The following AATK variants were observed in gnomAD, a reference collection of about 807,000 sequenced individuals.
AATK encodes the protein lemur tail kinase 1.
AATK carries 91 observed loss-of-function variants against 114.3 expected under a neutral mutation model. That is an observed-to-expected ratio of 0.80 (90% CI 0.67 to 0.95). The LOEUF (loss-of-function observed/expected upper bound fraction) is 0.95, where lower values mean the gene tolerates loss of function less well. Ranked by LOEUF, AATK falls within the 40% of genes least tolerant of loss-of-function variation. AATK has a pLI of 0.00. For synonymous variants in AATK, 1,075 were observed against 916.5 expected (o/e 1.17, Z -3.12); for missense variants, 2,176 against 1,965.2 (o/e 1.11, Z -2.03).
chr17:81,141,941 TTCCTTCCTTCCTTTCCTTCC>T (rs1012782636), intron 1 of AATK, among the ~76,000 whole-genome samples: 35 of 131,624 alleles, frequency 2.7e-4, no homozygotes, highest in East Asian at 9.1e-4. Flanking sequence ...CCTTCCTTCC[TTCCTTCCTTCCTTTCCTTCC>T]TTCCTTCCTT....
intron 1 of AATK, among the ~76,000 whole-genome samples, chr17:81,142,831 T>C (rs1484758947): frequency 2.0e-5 from 3 of 149,996 alleles, no homozygotes; most frequent in Non-Finnish European, 1.5e-5. Context: ...CCACTTGACT[T>C]GTAACCACCC....
At chr17:81,159,042 G>A (rs968173730) in intron 1 of AATK, among the ~76,000 whole-genome samples, 4 of 152,228 alleles carry the variant, frequency 2.6e-5, no homozygotes, top group Non-Finnish European at 4.4e-5. Flanking sequence ...GAGACAGATC[G>A]GTGGCTGCCA....
At chr17:81,156,495 T>A (rs1053056439) in intron 1 of AATK, among the ~76,000 whole-genome samples, 16 of 152,196 alleles carry the variant, frequency 1.1e-4, no homozygotes, top group Admixed American at 2.6e-4. Flanking sequence ...CCTCCCGGGT[T>A]CATGCCATTC....
Position 81,124,953 on chromosome 17 carries a change from CAT to C in AATK, c.815_816del (p.Tyr272TrpfsTer35). The part of the protein sequence containing the change: ...TADLTVKIGD[Y>X]GLAHCKYRED... ...ACTCTGTACTTGCAGTGAGCCAGGCCATAGTCACCAATCTTCACCGTCAGGTC... is the reference window on the plus strand; with the variant it reads ...ACTCTGTACTTGCAGTGAGCCAGGCCAGTCACCAATCTTCACCGTCAGGTC... On this transcript the variant is annotated frameshift_variant, in exon 8 of 14. Transcript: ENST00000326724. LOFTEE classifies it high-confidence loss of function. 6.3e-7 allele frequency: 1 copy of C among 1,578,546 alleles called. No individual in the cohort carries two copies. The highest frequency in any genetic ancestry group is 8.6e-7 in the Non-Finnish European group (1 of 1,162,586).
rs2060659983 is a variant in AATK, at chr17:81,119,470, C to CGGGCGCGGGCGT, written c.3993_3994insACGCCCGCGCCC (p.Pro1331_Ala1332insThrProAlaPro). On this transcript the variant is annotated inframe_insertion, in exon 13 of 14. Transcript: ENST00000326724. ...GACACCGTGAAGCGCGAGAAGGGAGCGGGCGTGGGCGTGGGCGCAGCCGGG... is the reference window on the plus strand; with the variant it reads ...GACACCGTGAAGCGCGAGAAGGGAGCGGGCGCGGGCGTGGGCGTGGGCGTGGGCGCAGCCGGG... 3 of 1,505,602 alleles carry CGGGCGCGGGCGT rather than the reference C, an allele frequency of 2.0e-6. No individual in the cohort carries two copies. The highest frequency in any genetic ancestry group is 2.9e-5 in the African/African-American group (2 of 68,084). The allele number at this position is 1,505,602 out of a possible 1,614,324, so 93.3% of individuals were successfully genotyped here. A position where few individuals can be genotyped will look rare whatever the true frequency, so the allele number is the denominator to read the frequency against.
intron 1 of AATK, among the ~76,000 whole-genome samples, chr17:81,143,417 A>C (rs890158531): frequency 6.6e-6 from 1 of 151,594 alleles, no homozygotes; most frequent in Non-Finnish European, 1.5e-5. Context: ...GTCCAAATGC[A>C]CTTCCCCTCA....
chr17:81,139,789 A>G (rs1174106644), intron 1 of AATK, among the ~76,000 whole-genome samples: 7 of 152,284 alleles, frequency 4.6e-5, no homozygotes, highest in South Asian at 2.1e-4. Context: ...CTCCTCTGCA[A>G]CTGGGCTGGA....
Position 81,119,946 on chromosome 17 carries a change from T to A in AATK, c.3873A>T (p.Thr1291=). Residue 1291 remains threonine, a synonymous_variant, in exon 12 of 14, where the codon ACA becomes ACT. Transcript: ENST00000326724. ...QQADGSPNGS[T]AEEGGGFAWD... Reference sequence around the variant, plus strand: ...CCCGCCCCTGCTCACCCTCTTCCGCTGTGGAGCCATTTGGGGAGCCATCAG... The same window carrying A: ...CCCGCCCCTGCTCACCCTCTTCCGCAGTGGAGCCATTTGGGGAGCCATCAG... 1 of 1,445,630 alleles carries A rather than the reference T, an allele frequency of 6.9e-7. No homozygotes were observed. The allele number at this position is 1,445,630 out of a possible 1,614,324, so 89.6% of individuals were successfully genotyped here. A position where few individuals can be genotyped will look rare whatever the true frequency, so the allele number is the denominator to read the frequency against.
intron 1 of AATK, among the ~76,000 whole-genome samples, chr17:81,137,805 A>G (rs2061036557): frequency 6.6e-6 from 1 of 152,030 alleles, no homozygotes; most frequent in Admixed American, 6.5e-5. Context: ...AGGCCAAGAC[A>G]TGAACGTTCA....
intron 1 of AATK, among the ~76,000 whole-genome samples, chr17:81,138,834 A>C (rs1465329582): frequency 7.0e-6 from 1 of 142,006 alleles, no homozygotes; most frequent in Non-Finnish European, 1.6e-5. Flanking sequence ...GAGCGCACAC[A>C]CACCCCCACG....
chr17:81,142,279 C>CTT (rs111660324), intron 1 of AATK, among the ~76,000 whole-genome samples: 69 of 142,778 alleles, frequency 4.8e-4, no homozygotes, highest in African/African-American at 1.2e-3. Context: ...TTTTTCTTTT[C>CTT]TTTTTTTTTT....
chr17:81,133,581 C>G (rs569277784), intron 2 of AATK, among the ~76,000 whole-genome samples: 1 of 152,320 alleles, frequency 6.6e-6, no homozygotes, highest in South Asian at 2.1e-4. Context: ...GAGGTCCAGG[C>G]CAGGGTGTCA....
At chr17:81,118,894 T>C (rs531407082) in intron 13 of AATK, among the ~76,000 whole-genome samples, 37 of 152,242 alleles carry the variant, frequency 2.4e-4, no homozygotes, top group Non-Finnish European at 4.3e-4. Context: ...GGGCAGAGGC[T>C]GTAGGGGTAG....
intron 1 of AATK, among the ~76,000 whole-genome samples, chr17:81,154,468 C>T (rs558696101): frequency 6.7e-6 from 1 of 148,822 alleles, no homozygotes; most frequent in Non-Finnish European, 1.5e-5. Context: ...TTACAGGCGC[C>T]CACCACCATG....
chr17:81,131,094 A>G lies in AATK; in HGVS notation c.301T>C (p.Ser101Pro), dbSNP rs753873311. Reference protein sequence around the residue: ...DVYVLPLTEVSLPMAKQPGRS... With the variant: ...DVYVLPLTEVPLPMAKQPGRS... Reference sequence around the variant, plus strand: ...CCAGGCTGCTTGGCCATGGGCAAGGAGACCTCCGTGAGTGGCAGGACGTAC... The same window carrying G: ...CCAGGCTGCTTGGCCATGGGCAAGGGGACCTCCGTGAGTGGCAGGACGTAC... The change falls in exon 3 of 14, where the codon TCC (serine) becomes CCC (proline). Residue 101 changes from serine (S) to proline (P), a missense_variant. Coordinates refer to ENST00000326724, the MANE Select transcript of AATK (RefSeq NM_001080395.3). 7 of 1,557,166 alleles carry G rather than the reference A, an allele frequency of 4.5e-6. No individual in the cohort carries two copies. The East Asian group carries it at 1.5e-4, about 32-fold the overall frequency.
At chr17:81,125,054 TGAGCAG>T in intron 7 of AATK, 40 bp from the exon 8 acceptor site, 1 of 1,365,182 alleles carries the variant, frequency 7.3e-7, no homozygotes, top group Non-Finnish European at 9.8e-7. Context: ...GTGAGCAGGG[TGAGCAG>T]GGTGTGCCGG....
At chr17:81,164,500 G>A (rs537561472) in intron 1 of AATK, among the ~76,000 whole-genome samples, 3 of 152,320 alleles carry the variant, frequency 2.0e-5, no homozygotes, top group Non-Finnish European at 1.5e-5. Flanking sequence ...GTCATTAAAC[G>A]GACACATTAG....
intron 1 of AATK, among the ~76,000 whole-genome samples, chr17:81,151,469 G>A (rs1387051585): frequency 6.6e-6 from 1 of 152,102 alleles, no homozygotes; most frequent in Non-Finnish European, 1.5e-5. Flanking sequence ...CGCATCCGAG[G>A]GGCAGCAGGC....
chr17:81,119,708 G>A (rs2060668537), intron 12 of AATK, 128 bp from the exon 13 acceptor site: 1 of 973,304 alleles, frequency 1.0e-6, no homozygotes, highest in Non-Finnish European at 1.3e-6. Context: ...CTCCCATGAT[G>A]TCACGGGCCC....
Sources: allele counts gnomAD v4.1 joint callset (sites outside exome capture counted in the v4.1 genomes callset), GRCh38; gene constraint gnomAD v4.1.1; transcripts MANE v1.5; gene names NCBI Gene and HGNC (gene_info 2026-07-23, HGNC 2026-07-21).